Variants in ORC1 observed in about 807,000 individuals in gnomAD.
The protein encoded by ORC1 is origin recognition complex subunit 1.
ORC1 carries 61 observed loss-of-function variants against 98.9 expected under a neutral mutation model. The ratio of observed to expected loss-of-function variants is 0.62; its 90% CI spans 0.50 to 0.76. The LOEUF (loss-of-function observed/expected upper bound fraction) is 0.76. Ranked by LOEUF, ORC1 falls within the 30% of genes least tolerant of loss-of-function variation. The probability of loss-of-function intolerance (pLI) is 0.00; values close to 1 mark genes in which losing one functional copy is unlikely to be tolerated. For missense variants in ORC1, 979 were observed against 1,072.2 expected, an observed-to-expected ratio of 0.91 and a Z score of 1.21; for synonymous variants, 385 against 406.9, an observed-to-expected ratio of 0.95 and a Z score of 0.65.
intron 3 of ORC1, 75 bp downstream of exon 3, chr1:52,401,287 A>G: frequency 6.3e-7 from 1 of 1,582,852 alleles, no homozygotes; most frequent in Non-Finnish European, 8.7e-7. Flanking sequence ...TGCTGTGAAC[A>G]AAAGAATCCA....
chr1:52,399,549 G>T (rs181273792), intron 3 of ORC1, among the ~76,000 whole-genome samples: 1 of 148,826 alleles, frequency 6.7e-6, no homozygotes, highest in East Asian at 2.0e-4. Context: ...GCTTGAACCC[G>T]GGAGGCAGAG....
rs761202255 is a variant in ORC1, at chr1:52,393,513, G to C, written c.1012C>G (p.Pro338Ala). The C allele has an allele frequency of 6.2e-7, 1 of 1,614,120 alleles. No individual in the cohort carries two copies. Among genetic ancestry groups the C allele is most frequent in the Non-Finnish European group, 8.5e-7 (1 of 1,180,024 alleles). ...IDIREERTLT[P>A]ISGGQRSSVV... The stretch of plus-strand genomic sequence containing the variant: ...GAAGATCTCTGTCCCCCACTGATAG[G>C]GGTAAGTGTTCTCTCCTCTCTAATG... Residue 338 changes from proline (P) to alanine (A), a missense_variant, in exon 6 of 17, where the codon CCT (proline) becomes GCT (alanine). Physicochemically the swap from Pro to Ala is conservative, Grantham distance 27. Coordinates refer to ENST00000371568, the MANE Select transcript of ORC1 (RefSeq NM_004153.4).
At chr1:52,394,212 T>A (rs1420903426) in intron 5 of ORC1, among the ~76,000 whole-genome samples, 1 of 152,236 alleles carries the variant, frequency 6.6e-6, no homozygotes, top group Non-Finnish European at 1.5e-5. Flanking sequence ...AGATTTTTCT[T>A]AACCCAGATT....
chr1:52,373,089 G>C lies in ORC1; in HGVS notation c.*92C>G. ...CAAGGCTGCAGTGAGCCATGATCGTGCCACTGCACTCCAGCCTGGGCGACA... is the reference window on the plus strand; with the variant it reads ...CAAGGCTGCAGTGAGCCATGATCGTCCCACTGCACTCCAGCCTGGGCGACA... On this transcript the variant is annotated 3_prime_UTR_variant, in exon 17 of 17. Transcript: ENST00000371568. The C allele has an allele frequency of 7.8e-7, 1 of 1,285,982 alleles. No homozygotes were observed. The highest frequency in any genetic ancestry group is 1.1e-6 in the Non-Finnish European group (1 of 884,612). The allele number at this position is 1,285,982 out of a possible 1,614,324, so 79.7% of individuals were successfully genotyped here. A position where few individuals can be genotyped will look rare whatever the true frequency, so the allele number is the denominator to read the frequency against.
intron 5 of ORC1, 43 bp from the exon 6 acceptor site, chr1:52,393,846 T>C (rs1466640555): frequency 2.5e-6 from 4 of 1,601,006 alleles, no homozygotes; most frequent in East Asian, 2.2e-5. Context: ...TACCTAACAA[T>C]ATACAAACCC....
intron 6 of ORC1, among the ~76,000 whole-genome samples, chr1:52,390,213 A>T (rs893787573): frequency 2.0e-5 from 3 of 152,194 alleles, no homozygotes; most frequent in Admixed American, 2.0e-4. Flanking sequence ...ATTCATATGG[A>T]CCAAAAAAGA....
chr1:52,387,341 T>A (rs1194164509), intron 8 of ORC1, among the ~76,000 whole-genome samples: 2 of 152,178 alleles, frequency 1.3e-5, no homozygotes, highest in African/African-American at 4.8e-5. Flanking sequence ...TAGAACAATT[T>A]CATCCTGAAA....
chr1:52,394,308 A>G (rs189733770), intron 5 of ORC1, among the ~76,000 whole-genome samples: 131 of 152,364 alleles, frequency 8.6e-4, no homozygotes, highest in African/African-American at 2.9e-3. Flanking sequence ...TTGCTCCCTC[A>G]TCACGAGGAC....
chr1:52,399,112 T>G (rs979974353), intron 3 of ORC1, among the ~76,000 whole-genome samples: 2 of 152,126 alleles, frequency 1.3e-5, no homozygotes, highest in Non-Finnish European at 2.9e-5. Flanking sequence ...GAGGAGCTAC[T>G]CTAAACACAG....
chr1:52,381,030 A>G (rs1647062961), intron 14 of ORC1, among the ~76,000 whole-genome samples: 1 of 152,188 alleles, frequency 6.6e-6, no homozygotes, highest in Non-Finnish European at 1.5e-5. Flanking sequence ...ATACTTGTGG[A>G]TGTACGGTTT....
Position 52,385,327 on chromosome 1 carries a change from TAATC to T in ORC1, c.1482-69_1482-66del, listed in dbSNP as rs1470246174. 3 of 1,007,024 alleles carry T rather than the reference TAATC, an allele frequency of 3.0e-6. No individual in the cohort carries two copies. In the African/African-American group the frequency reaches 4.7e-5, roughly 16 times the overall value. The allele number at this position is 1,007,024 out of a possible 1,614,324, so 62.4% of individuals were successfully genotyped here. A position where few individuals can be genotyped will look rare whatever the true frequency, so the allele number is the denominator to read the frequency against. On this transcript the variant is annotated intron_variant, in intron 9 of 16. Coordinates refer to ENST00000371568, the MANE Select transcript of ORC1 (RefSeq NM_004153.4). ...GAACATTCCCCAACCATCTACTCAT[TAATC>T]AATGGAAAATGATTATGGTTTCTTG...
chr1:52,382,880 T>C (rs925270751), intron 13 of ORC1, among the ~76,000 whole-genome samples: 1 of 151,538 alleles, frequency 6.6e-6, no homozygotes, highest in Non-Finnish European at 1.5e-5. Flanking sequence ...GTGCCCAGCC[T>C]AAAACATTTT....
chr1:52,398,836 C>T (rs973308537), intron 3 of ORC1, among the ~76,000 whole-genome samples: 3 of 149,116 alleles, frequency 2.0e-5, no homozygotes, highest in Admixed American at 6.7e-5. Flanking sequence ...CCGCCTGCCT[C>T]GGCCTACCAA....
intron 13 of ORC1, among the ~76,000 whole-genome samples, chr1:52,382,370 C>T (rs1647083044): frequency 6.6e-6 from 1 of 152,102 alleles, no homozygotes; most frequent in Admixed American, 6.6e-5. Context: ...AGCTGAGGTG[C>T]TTTAATTGAA....
upstream of ORC1, chr1:52,408,877 C>CT (rs1320294797): frequency 7.0e-6 from 4 of 570,988 alleles, no homozygotes; most frequent in Non-Finnish European, 1.2e-5. Flanking sequence ...TCGTGTTGGC[C>CT]TTACCCAGCC....
chr1:52,407,668 C>A (rs1416838987), upstream of ORC1, among the ~76,000 whole-genome samples: 1 of 152,220 alleles, frequency 6.6e-6, no homozygotes, highest in Non-Finnish European at 1.5e-5. Flanking sequence ...CACCTGTAAT[C>A]CCAGCACTTT....
intron 14 of ORC1, among the ~76,000 whole-genome samples, chr1:52,377,165 G>A (rs1326281970): frequency 6.6e-6 from 1 of 152,126 alleles, no homozygotes; most frequent in Non-Finnish European, 1.5e-5. Context: ...TGAGATTAAA[G>A]GCATCTGCCA....
At chr1:52,375,924 C>A (rs1225830352) in intron 14 of ORC1, among the ~76,000 whole-genome samples, 2 of 152,190 alleles carry the variant, frequency 1.3e-5, no homozygotes, top group African/African-American at 2.4e-5. Context: ...TCACTCCTTG[C>A]ATAGAGACAG....
chr1:52,395,886 T>G (rs141861585), intron 5 of ORC1, among the ~76,000 whole-genome samples, 160 bp downstream of exon 5: 4 of 152,182 alleles, frequency 2.6e-5, no homozygotes, highest in African/African-American at 9.7e-5. Context: ...TCCCAGCTAC[T>G]GGGGAGGCTG....
Sources: gnomAD v4.1 joint callset for allele counts (sites outside exome capture counted in the v4.1 genomes callset) on GRCh38, gnomAD v4.1.1 for gene constraint, MANE v1.5 for transcripts, NCBI Gene and HGNC (gene_info 2026-07-23, HGNC 2026-07-21) for gene names.